The following SLC9C2 variants were observed in gnomAD, a reference collection of about 807,000 sequenced individuals.
SLC9C2 encodes sodium/hydrogen exchanger 11.
SLC9C2 carries 75 observed loss-of-function variants against 140.2 expected under a neutral mutation model. The observed-to-expected ratio is 0.53, with a 90% CI of 0.44 to 0.65. The LOEUF (loss-of-function observed/expected upper bound fraction) is 0.65. SLC9C2 is among the 30% of genes least tolerant of loss of function. The probability of loss-of-function intolerance (pLI) is 0.00; values close to 1 mark genes in which losing one functional copy is unlikely to be tolerated. For missense variants in SLC9C2, 1,074 were observed against 1,331.8 expected (o/e 0.81, Z 3.01); for synonymous variants, 375 against 420.9 (o/e 0.89, Z 1.34).
In SLC9C2 at chr1:173,534,661, A is replaced by G. The variant is rs771986774; in HGVS notation, c.1797T>C (p.Phe599=). The part of the protein sequence containing the change: ...IPPESNTFLT[F]IFHIVFSEEF... ...CTTCAGAAAATACTATGTGAAATAT[A>G]AAAGTCAGAAATGTATTACTCCTGA... Residue 599 remains phenylalanine, a synonymous_variant, in exon 16 of 28, where the codon TTT becomes TTC. Coordinates refer to ENST00000367714, the MANE Select transcript of SLC9C2 (RefSeq NM_178527.4). The G allele has an allele frequency of 5.9e-6, 9 of 1,525,588 alleles. No homozygotes were observed. Among genetic ancestry groups the G allele is most frequent in the African/African-American group, 1.4e-5 (1 of 70,484 alleles). 94.5% of individuals were successfully genotyped at this position (1,525,588 alleles called of 1,614,324 possible). A position where few individuals can be genotyped will look rare whatever the true frequency, so the allele number is the denominator to read the frequency against.
rs61579339 is a variant in SLC9C2, at chr1:173,599,362, A to ATTTTTTTTTTTTTTTTTTT, written c.228+736_228+754dup. Among the ~76,000 whole-genome samples, 7 of 68,124 alleles carry ATTTTTTTTTTTTTTTTTTT rather than the reference A, an allele frequency of 1.0e-4. 2 individuals carry two copies. Among genetic ancestry groups the ATTTTTTTTTTTTTTTTTTT allele is most frequent in the African/African-American group, 2.8e-4 (6 of 21,142 alleles). 44.7% of individuals were successfully genotyped at this position (68,124 alleles called of 152,430 possible). The stretch of plus-strand genomic sequence containing the variant: ...CAAGAGCGCAAACACATTTTCCTTG[A>ATTTTTTTTTTTTTTTTTTT]TTTTTTTTTTTTTTTTTTTTTTTTT... On this transcript the variant is annotated intron_variant, in intron 3 of 27. Coordinates refer to ENST00000367714, the MANE Select transcript of SLC9C2 (RefSeq NM_178527.4).
rs778691991 is a variant in SLC9C2, at chr1:173,509,616, A to C, written c.2991T>G (p.Leu997=). The change falls in exon 24 of 28, where the codon CTT becomes CTG. Residue 997 remains leucine (L), a synonymous_variant. Coordinates refer to ENST00000367714, the MANE Select transcript of SLC9C2 (RefSeq NM_178527.4). ...PSLEYKIWLK[L]ALSTAYQYFE... Reference sequence around the variant, plus strand: ...AATACTGATAGGCAGTACTGAGAGCAAGCTTTAGCCATATTTTATATTCCA... The same window carrying C: ...AATACTGATAGGCAGTACTGAGAGCCAGCTTTAGCCATATTTTATATTCCA... The C allele has an allele frequency of 6.9e-6, 11 of 1,598,584 alleles. No homozygotes were observed. Among genetic ancestry groups the C allele is most frequent in the Non-Finnish European group, 9.4e-6 (11 of 1,175,506 alleles).
chr1:173,531,273 A>G (rs1571484672), intron 17 of SLC9C2, among the ~76,000 whole-genome samples: 1 of 152,246 alleles, frequency 6.6e-6, no homozygotes, highest in African/African-American at 2.4e-5. Context: ...CATGCTAGAC[A>G]GAAGGGATGA....
intron 23 of SLC9C2, among the ~76,000 whole-genome samples, chr1:173,513,135 G>GT: frequency 6.6e-6 from 1 of 152,188 alleles, no homozygotes; most frequent in Middle Eastern, 3.4e-3. Context: ...TGTTGTTGTT[G>GT]TGCCTCTGCC....
rs1164905651 is a variant in SLC9C2, at chr1:173,506,952, G to C, written c.3129C>G (p.Thr1043=). ...SYSDMIIDNM[T]MKFVIIVYGS... ...CATACACAATGATAACAAATTTCATGGTCATATTATCAATAATCATGTCAC... is the reference window on the plus strand; with the variant it reads ...CATACACAATGATAACAAATTTCATCGTCATATTATCAATAATCATGTCAC... Residue 1043 remains threonine, a synonymous_variant, in exon 25 of 28, where the codon ACC becomes ACG. Coordinates refer to ENST00000367714, the MANE Select transcript of SLC9C2 (RefSeq NM_178527.4). The C allele has an allele frequency of 6.2e-7, 1 of 1,612,852 alleles. No individual in the cohort carries two copies. Among genetic ancestry groups the C allele is most frequent in the African/African-American group, 1.3e-5 (1 of 74,802 alleles).
At chr1:173,519,873 G>C (rs1320547408) in intron 22 of SLC9C2, among the ~76,000 whole-genome samples, 1 of 152,078 alleles carries the variant, frequency 6.6e-6, no homozygotes, top group Non-Finnish European at 1.5e-5. Context: ...TGTTGGCCTG[G>C]TTCGGTGGCT....
At chr1:173,572,158 C>T (rs114632414) in intron 9 of SLC9C2, among the ~76,000 whole-genome samples, 250 of 152,230 alleles carry the variant, frequency 1.6e-3, no homozygotes, top group Middle Eastern at 6.8e-3. Context: ...AATTTGGATC[C>T]AGAAATAAAC....
At chr1:173,557,251 G>T in intron 10 of SLC9C2, 89 bp downstream of exon 10, 1 of 1,244,512 alleles carries the variant, frequency 8.0e-7, no homozygotes, top group Non-Finnish European at 1.1e-6. Context: ...ATTCAAAGCT[G>T]GTTAACTTTA....
At chr1:173,578,046 G>A (rs1665290340) in intron 7 of SLC9C2, among the ~76,000 whole-genome samples, 1 of 152,068 alleles carries the variant, frequency 6.6e-6, no homozygotes, top group African/African-American at 2.4e-5. Context: ...GGCAACAAGG[G>A]GATGCATTGT....
chr1:173,554,662 C>T, intron 11 of SLC9C2, 71 bp downstream of exon 11: 2 of 935,700 alleles, frequency 2.1e-6, no homozygotes, highest in South Asian at 1.4e-5. Flanking sequence ...AGAAATGTCC[C>T]CATGACACCC....
rs41265230 is a variant in SLC9C2, at chr1:173,524,920, C to T, written c.2373G>A (p.Met791Ile). The T allele has an allele frequency of 5.5e-4, 884 of 1,613,898 alleles. 1 individual carries two copies. Among genetic ancestry groups the T allele is most frequent in the South Asian group, 2.0e-3 (184 of 91,018 alleles). ...TGACAACATCACGACCCTCATGCTC[C>T]ATGAGTACTACAGCAAAGAAAATAA... ...KQDAVKELVL[M>I]EHEGRDVVIA... Residue 791 changes from methionine to isoleucine, a missense_variant, in exon 20 of 28, where the codon ATG becomes ATA. Coordinates refer to ENST00000367714, the MANE Select transcript of SLC9C2 (RefSeq NM_178527.4).
chr1:173,509,830 T>C, intron 23 of SLC9C2, 131 bp from the exon 24 acceptor site: 1 of 897,116 alleles, frequency 1.1e-6, no homozygotes, highest in East Asian at 3.1e-5. Flanking sequence ...GATACTCTTG[T>C]CATTTAGAAG....
intron 9 of SLC9C2, 47 bp from the exon 10 acceptor site, chr1:173,557,555 T>C (rs1274869493): frequency 1.3e-6 from 2 of 1,542,646 alleles, no homozygotes; most frequent in Non-Finnish European, 1.8e-6. Context: ...TGTTTATTAA[T>C]GTTATTCATA....
At position 173,534,701 on chromosome 1, in the gene SLC9C2, A is replaced by C. The variant is rs976579860; in HGVS notation, c.1776-19T>G. On this transcript the variant is annotated intron_variant, in intron 15 of 27. Coordinates refer to ENST00000367714, the MANE Select transcript of SLC9C2 (RefSeq NM_178527.4). ...ATTACTCCTGAAAAGAGATCAAATA[A>C]AATGTTAGATCACTTAAAAGTATAA... 4 of 1,420,454 alleles carry C rather than the reference A, an allele frequency of 2.8e-6. No homozygotes were observed. In the African/African-American group the frequency reaches 6.0e-5, roughly 21 times the overall value. The allele number at this position is 1,420,454 out of a possible 1,614,324, so 88.0% of individuals were successfully genotyped here. A position where few individuals can be genotyped will look rare whatever the true frequency, so the allele number is the denominator to read the frequency against.
At chr1:173,504,840 C>T (rs1659518684) in intron 26 of SLC9C2, among the ~76,000 whole-genome samples, 1 of 152,224 alleles carries the variant, frequency 6.6e-6, no homozygotes, top group Admixed American at 6.5e-5. Flanking sequence ...TACTCACTGA[C>T]TATGGGTAAG....
intron 4 of SLC9C2, 98 bp downstream of exon 4, chr1:173,597,806 C>A: frequency 8.2e-7 from 1 of 1,212,308 alleles, no homozygotes; most frequent in Non-Finnish European, 1.1e-6. Context: ...TAAAATATGA[C>A]ATTTTGTGAA....
At chr1:173,583,007 T>C (rs946071764) in intron 6 of SLC9C2, among the ~76,000 whole-genome samples, 1 of 152,224 alleles carries the variant, frequency 6.6e-6, no homozygotes, top group African/African-American at 2.4e-5. Flanking sequence ...CTAAAGCACT[T>C]TTTAAATGTT....
intron 25 of SLC9C2, 44 bp downstream of exon 25, chr1:173,506,812 G>A: frequency 6.6e-7 from 1 of 1,508,754 alleles, no homozygotes; most frequent in Middle Eastern, 1.7e-4. Context: ...CACTTTTGGA[G>A]CACCGTGAAG....
At chr1:173,530,827 G>A (rs1442003161) in intron 17 of SLC9C2, among the ~76,000 whole-genome samples, 1 of 152,194 alleles carries the variant, frequency 6.6e-6, no homozygotes, top group Non-Finnish European at 1.5e-5. Flanking sequence ...GAGGGACTGG[G>A]TAACAAGGGA....
Sources: allele counts gnomAD v4.1 joint callset (sites outside exome capture counted in the v4.1 genomes callset), GRCh38; gene constraint gnomAD v4.1.1; transcripts MANE v1.5; gene names NCBI Gene and HGNC (gene_info 2026-07-23, HGNC 2026-07-21).